Variants in TMEM192 observed in about 807,000 individuals in gnomAD.
TMEM192 encodes transmembrane protein 192.
TMEM192 carries 20 observed loss-of-function variants against 26.7 expected under a neutral mutation model. The ratio of observed to expected loss-of-function variants is 0.75; its 90% CI spans 0.53 to 1.09. The LOEUF is 1.09. TMEM192 is among the 50% of genes least tolerant of loss of function. The pLI is 0.00. For synonymous variants in TMEM192, 124 were observed against 121.0 expected (o/e 1.02, Z -0.16); for missense variants, 304 against 322.6 (o/e 0.94, Z 0.44).
rs70952701 is a variant in TMEM192, at chr4:165,103,511, A to AT, written c.28-416dup. Among the ~76,000 whole-genome samples the AT allele has an allele frequency of 9.1e-4, 87 of 95,196 alleles. 6 individuals carry two copies. The highest frequency in any genetic ancestry group is 2.8e-3 in the Admixed American group (19 of 6,876). 62.5% of individuals were successfully genotyped at this position (95,196 alleles called of 152,430 possible). ...AGGTGTGCACCACCACACCCAGCTA[A>AT]TTTTTTTTTTTTTTTTTTTTGAGAT... On this transcript the variant is annotated intron_variant, in intron 1 of 5. Coordinates refer to ENST00000306480, the MANE Select transcript of TMEM192 (RefSeq NM_001100389.2).
chr4:165,105,732 C>T (rs1735146460), intron 1 of TMEM192, among the ~76,000 whole-genome samples: 1 of 152,212 alleles, frequency 6.6e-6, no homozygotes, highest in African/African-American at 2.4e-5. Context: ...TAGCCTCAAG[C>T]AATCCTCCCA....
chr4:165,076,016 C>G lies in TMEM192; in HGVS notation c.*3642G>C, dbSNP rs946089419. 6 of 150,350 alleles carry G rather than the reference C, an allele frequency of 4.0e-5. No individual in the cohort carries two copies. Among genetic ancestry groups the G allele is most frequent in the African/African-American group, 1.2e-4 (5 of 40,750 alleles). 9.3% of individuals were successfully genotyped at this position (150,350 alleles called of 1,614,324 possible). A position where few individuals can be genotyped will look rare whatever the true frequency, so the allele number is the denominator to read the frequency against. ...CACCACTGCACTCCAGCCTGGGAGA[C>G]AGATGAGACTAAAAAAAAAAACAAA... On this transcript the variant is annotated 3_prime_UTR_variant, in exon 6 of 6. Coordinates refer to ENST00000306480, the MANE Select transcript of TMEM192 (RefSeq NM_001100389.2).
At chr4:165,090,855 G>C (rs1233280375) in intron 3 of TMEM192, among the ~76,000 whole-genome samples, 1 of 128,886 alleles carries the variant, frequency 7.8e-6, no homozygotes, top group Non-Finnish European at 1.6e-5. Context: ...AGTGAGCTGA[G>C]ATCGTGCCAC....
chr4:165,107,597 G>A (rs1385518557), intron 1 of TMEM192, among the ~76,000 whole-genome samples: 3 of 152,064 alleles, frequency 2.0e-5, no homozygotes, highest in East Asian at 1.9e-4. Context: ...ACCCACCTTG[G>A]CCTCCCAAAG....
rs1325751213 is a variant in TMEM192, at chr4:165,070,881, T to C, written c.*8777A>G. ...TGAGTGCCTACTTTGTGCCAGACAC[T>C]GTTCTATGTATGAAGGACACAGTAG... On this transcript the variant is annotated 3_prime_UTR_variant, in exon 6 of 6. Coordinates refer to ENST00000306480, the MANE Select transcript of TMEM192 (RefSeq NM_001100389.2). The C allele has an allele frequency of 6.6e-6, 1 of 152,238 alleles. No homozygotes were observed. The highest frequency in any genetic ancestry group is 2.4e-5 in the African/African-American group (1 of 41,460). 9.4% of individuals were successfully genotyped at this position (152,238 alleles called of 1,614,324 possible). A position where few individuals can be genotyped will look rare whatever the true frequency, so the allele number is the denominator to read the frequency against.
chr4:165,080,517 A>T (rs1206684403), intron 5 of TMEM192, among the ~76,000 whole-genome samples: 1 of 152,166 alleles, frequency 6.6e-6, no homozygotes, highest in African/African-American at 2.4e-5. Flanking sequence ...AAGAAATAAA[A>T]TGTTATTGGA....
intron 4 of TMEM192, among the ~76,000 whole-genome samples, chr4:165,086,567 G>A (rs951705225): frequency 5.3e-5 from 8 of 151,994 alleles, no homozygotes; most frequent in Middle Eastern, 3.4e-3. Context: ...GATTACAGGC[G>A]TGCACCACCA....
At chr4:165,097,585 T>G (rs891709099) in intron 3 of TMEM192, among the ~76,000 whole-genome samples, 29 of 140,378 alleles carry the variant, frequency 2.1e-4, no homozygotes, top group East Asian at 6.5e-4. Context: ...TTTTTTTTTT[T>G]GGAGAAAAAA....
intron 4 of TMEM192, among the ~76,000 whole-genome samples, chr4:165,087,254 G>T (rs1220208825): frequency 1.3e-5 from 2 of 152,210 alleles, no homozygotes; most frequent in African/African-American, 4.8e-5. Flanking sequence ...GCAGGAATAA[G>T]AAATATGAAT....
At chr4:165,109,752 C>T (rs1735251247) in intron 1 of TMEM192, among the ~76,000 whole-genome samples, 2 of 152,206 alleles carry the variant, frequency 1.3e-5, no homozygotes, top group African/African-American at 4.8e-5. Context: ...CACTTTCATG[C>T]ACCTTCTTCT....
chr4:165,091,452 G>A (rs1007002747), intron 3 of TMEM192, among the ~76,000 whole-genome samples: 7 of 152,104 alleles, frequency 4.6e-5, no homozygotes, highest in Non-Finnish European at 1.0e-4. Flanking sequence ...ACACCCAGAT[G>A]GTTTCTGCTG....
intron 3 of TMEM192, among the ~76,000 whole-genome samples, chr4:165,096,535 C>T (rs2110773408): frequency 6.6e-6 from 1 of 151,686 alleles, no homozygotes; most frequent in South Asian, 2.1e-4. Flanking sequence ...AATTTTTTTT[C>T]TTCTCTGGAA....
chr4:165,086,052 C>T (rs974263683), intron 4 of TMEM192, among the ~76,000 whole-genome samples: 2 of 152,020 alleles, frequency 1.3e-5, no homozygotes, highest in Non-Finnish European at 2.9e-5. Context: ...TTCCTCTGGT[C>T]CAGGGGAAAA....
intron 4 of TMEM192, 76 bp from the exon 5 acceptor site, chr4:165,085,764 T>G: frequency 8.9e-7 from 1 of 1,120,608 alleles, no homozygotes; most frequent in Non-Finnish European, 1.3e-6. Context: ...TATGCTAATT[T>G]GCCGTTCTTA....
intron 3 of TMEM192, among the ~76,000 whole-genome samples, chr4:165,090,514 C>T (rs910233907): frequency 6.6e-6 from 1 of 152,154 alleles, no homozygotes; most frequent in African/African-American, 2.4e-5. Context: ...CAATGTACCT[C>T]TTCATCTGGC....
rs1424144740 is a variant in TMEM192 at position 165,070,678 on chromosome 4, C to G, written c.*8980G>C. On this transcript the variant is annotated 3_prime_UTR_variant, in exon 6 of 6. Coordinates refer to ENST00000306480, the MANE Select transcript of TMEM192 (RefSeq NM_001100389.2). The stretch of plus-strand genomic sequence containing the variant: ...TGTATCCTAGACATAAACTTTTAAA[C>G]AAGACCTTAAAAAAATAATCTCTCA... 1 of 152,082 alleles carries G rather than the reference C, an allele frequency of 6.6e-6. No individual in the cohort carries two copies. The highest frequency in any genetic ancestry group is 1.9e-4 in the East Asian group (1 of 5,202). The allele number at this position is 152,082 out of a possible 1,614,324, so 9.4% of individuals were successfully genotyped here.
intron 5 of TMEM192, among the ~76,000 whole-genome samples, chr4:165,085,203 G>A (rs962783185): frequency 6.6e-6 from 1 of 151,402 alleles, no homozygotes; most frequent in Non-Finnish European, 1.5e-5. Context: ...AAACTGGGAG[G>A]TGGAGACTAC....
intron 1 of TMEM192, among the ~76,000 whole-genome samples, chr4:165,103,644 T>C (rs1355745601): frequency 6.8e-6 from 1 of 147,342 alleles, no homozygotes; most frequent in Non-Finnish European, 1.5e-5. Flanking sequence ...CCTCCTGGGG[T>C]AGCTGGGATT....
In TMEM192 at chr4:165,073,501, G is replaced by C. The variant is rs371793178; in HGVS notation, c.*6157C>G. The C allele has an allele frequency of 6.6e-6, 1 of 152,186 alleles. No individual in the cohort carries two copies. The highest frequency in any genetic ancestry group is 6.6e-5 in the Admixed American group (1 of 15,258). The allele number at this position is 152,186 out of a possible 1,614,324, so 9.4% of individuals were successfully genotyped here. ...CTCCCACTGAGACAGCCTGAGATAC[G>C]GCCTCGTGGGAAAGGAAAGGCCTTA... is the stretch of plus-strand genomic sequence containing the variant. On this transcript the variant is annotated 3_prime_UTR_variant, in exon 6 of 6. Coordinates refer to ENST00000306480, the MANE Select transcript of TMEM192 (RefSeq NM_001100389.2).
Sources: gnomAD v4.1 joint callset for allele counts (sites outside exome capture counted in the v4.1 genomes callset) on GRCh38, gnomAD v4.1.1 for gene constraint, MANE v1.5 for transcripts, NCBI Gene and HGNC (gene_info 2026-07-23, HGNC 2026-07-21) for gene names.